INVS: variants seen among roughly 807,000 people sequenced by gnomAD.
INVS encodes inversin.
In INVS, 86 loss-of-function variants were observed where a neutral mutation model predicts 108.8. That is an observed-to-expected ratio of 0.79 (90% CI 0.66 to 0.95). The LOEUF is 0.95. Among genes scored for constraint, INVS ranks in the 40% least tolerant of loss-of-function variants. INVS has a pLI of 0.00. For synonymous variants in INVS, 455 were observed against 473.5 expected, an observed-to-expected ratio of 0.96 and a Z score of 0.51; for missense variants, 1,169 against 1,297.4, an observed-to-expected ratio of 0.90 and a Z score of 1.52.
At chr9:100,262,783 C>T (rs556758206) in intron 10 of INVS, among the ~76,000 whole-genome samples, 1 of 152,108 alleles carries the variant, frequency 6.6e-6, no homozygotes, top group East Asian at 1.9e-4. Flanking sequence ...TCTCACTCTG[C>T]CACCCAGGCT....
chr9:100,153,127 C>T (rs949870376), intron 3 of INVS, among the ~76,000 whole-genome samples: 1 of 150,986 alleles, frequency 6.6e-6, no homozygotes, highest in Non-Finnish European at 1.5e-5. Flanking sequence ...AGAAGGTTTG[C>T]AGTGAAGAAT....
intron 10 of INVS, among the ~76,000 whole-genome samples, chr9:100,255,609 A>T (rs554941919): frequency 5.3e-5 from 8 of 152,136 alleles, no homozygotes; most frequent in Non-Finnish European, 1.0e-4. Context: ...GTTTATTGAG[A>T]GTTTTTAGCA....
chr9:100,154,331 A>ATTTTTTTTTTTTTTTTTTTTTTTT lies in INVS; in HGVS notation c.273+27787_273+27810dup, dbSNP rs780090630. On this transcript the variant is annotated intron_variant, in intron 3 of 16. Coordinates refer to ENST00000262457, the MANE Select transcript of INVS (RefSeq NM_014425.5). Reference sequence around the variant, plus strand: ...AGGTGTGTGCCACCACAACCGACTAATTTTTTTTTTTTTTTTTTTTTTTTT... The same window carrying ATTTTTTTTTTTTTTTTTTTTTTTT: ...AGGTGTGTGCCACCACAACCGACTAATTTTTTTTTTTTTTTTTTTTTTTTTTTTTTTTTTTTTTTTTTTTTTTTT... Among the ~76,000 whole-genome samples the ATTTTTTTTTTTTTTTTTTTTTTTT allele has an allele frequency of 5.8e-4, 40 of 68,568 alleles. 7 individuals carry two copies. The highest frequency in any genetic ancestry group is 1.7e-3 in the African/African-American group (22 of 12,990). 45.0% of individuals were successfully genotyped at this position (68,568 alleles called of 152,430 possible).
At chr9:100,104,447 G>C (rs1827105456) in intron 1 of INVS, 51 bp from the exon 2 acceptor site, 1 of 966,054 alleles carries the variant, frequency 1.0e-6, no homozygotes, top group African/African-American at 1.6e-5. Flanking sequence ...TGATGAGACA[G>C]GTTTCAGAAA....
chr9:100,240,159 G>T lies in INVS; in HGVS notation c.715G>T (p.Val239Phe), dbSNP rs764664177. Reference sequence around the variant, plus strand: ...TGATGGGAATGTGACCGTGGTTGATGTCTTGACCTCATATGAAAGCTGCAA... The same window carrying T: ...TGATGGGAATGTGACCGTGGTTGATTTCTTGACCTCATATGAAAGCTGCAA... ...VADGNVTVVD[V>F]LTSYESCNIT... is the part of the protein sequence containing the mutation. Residue 239 changes from valine to phenylalanine, a missense_variant, in exon 6 of 17, where the codon GTC (valine) becomes TTC (phenylalanine). Physicochemically the swap from Val to Phe is conservative, Grantham distance 50 (BLOSUM62 -1). Around this residue, in one of 3 missense-constraint regions of INVS, gnomAD observed 365 missense variants for 397.5 expected, o/e 0.92. Coordinates refer to ENST00000262457, the MANE Select transcript of INVS (RefSeq NM_014425.5). 1.2e-6 allele frequency: 2 copies of T among 1,614,046 alleles called. No individual in the cohort carries two copies. Among genetic ancestry groups the T allele is most frequent in the Non-Finnish European group, 1.7e-6 (2 of 1,179,934 alleles).
intron 3 of INVS, among the ~76,000 whole-genome samples, chr9:100,154,511 AG>A (rs1828910738): frequency 6.6e-6 from 1 of 151,852 alleles, no homozygotes; most frequent in Non-Finnish European, 1.5e-5. Context: ...CTACATAAAA[AG>A]AGTATATTCA....
chr9:100,165,841 T>C (rs918279006), intron 3 of INVS, among the ~76,000 whole-genome samples: 1 of 152,182 alleles, frequency 6.6e-6, no homozygotes, highest in African/African-American at 2.4e-5. Context: ...CATTTCTATA[T>C]TTTTTGTTTT....
At chr9:100,176,038 G>T in intron 3 of INVS, 2 of 522,228 alleles carry the variant, frequency 3.8e-6, no homozygotes, top group Non-Finnish European at 3.7e-6. Context: ...CCAAGAACAT[G>T]CAGCCTGAAG....
intron 3 of INVS, among the ~76,000 whole-genome samples, chr9:100,195,093 T>A (rs1014643374): frequency 6.6e-5 from 10 of 152,178 alleles, no homozygotes; most frequent in Non-Finnish European, 1.5e-4. Flanking sequence ...ACAGATAAAG[T>A]CAAATATTGT....
At chr9:100,285,898 A>AAG (rs1833425717) in intron 13 of INVS, among the ~76,000 whole-genome samples, 1 of 152,214 alleles carries the variant, frequency 6.6e-6, no homozygotes, top group Non-Finnish European at 1.5e-5. Context: ...TACTCTTATA[A>AAG]GTTAGAGAAC....
intron 10 of INVS, among the ~76,000 whole-genome samples, chr9:100,258,472 AAGG>A (rs2118595030): frequency 6.6e-6 from 1 of 152,248 alleles, no homozygotes; most frequent in East Asian, 1.9e-4. Flanking sequence ...TGTTCCTTTG[AAGG>A]AGAAGAGGCA....
rs12004800 is a variant in INVS, at chr9:100,108,999, A to G, written c.106+4372A>G. Among the ~76,000 whole-genome samples the G allele has an allele frequency of 2.2e-3, 337 of 152,352 alleles. 2 individuals carry two copies. Among genetic ancestry groups the G allele is most frequent in the African/African-American group, 7.7e-3 (321 of 41,580 alleles). Reference sequence around the variant, plus strand: ...ATACATAGTAAAATCTGAATATGCTATGGTTCTCATTTATAGATATTTAGC... The same window carrying G: ...ATACATAGTAAAATCTGAATATGCTGTGGTTCTCATTTATAGATATTTAGC... On this transcript the variant is annotated intron_variant, in intron 2 of 16. Coordinates refer to ENST00000262457, the MANE Select transcript of INVS (RefSeq NM_014425.5).
At chr9:100,300,082 T>C (rs1026099093) in intron 16 of INVS, among the ~76,000 whole-genome samples, 3 of 152,228 alleles carry the variant, frequency 2.0e-5, no homozygotes, top group African/African-American at 7.2e-5. Context: ...TTTCTGACTG[T>C]GGCATCCTAT....
intron 3 of INVS, among the ~76,000 whole-genome samples, chr9:100,159,999 T>C (rs1829117664): frequency 2.0e-5 from 3 of 152,194 alleles, no homozygotes; most frequent in African/African-American, 7.2e-5. Context: ...CTAACCAGGG[T>C]AGCCTCTGGA....
chr9:100,172,192 T>A (rs533666693), intron 3 of INVS, among the ~76,000 whole-genome samples: 1 of 152,264 alleles, frequency 6.6e-6, no homozygotes, highest in Admixed American at 6.5e-5. Flanking sequence ...AAGAATAACA[T>A]TGGACCCTTA....
chr9:100,272,905 A>C lies in INVS; in HGVS notation c.1613A>C (p.Glu538Ala). ...TATGCTTTGCTTGGTGAGCGCCATG[A>C]AGTGATCCAGTTCATGTTGGAGCAC... is the stretch of plus-strand genomic sequence containing the variant. Reference protein sequence around the residue: ...LDYALLGERHEVIQFMLEHGA... With the variant: ...LDYALLGERHAVIQFMLEHGA... The change falls in exon 12 of 17, where the codon GAA (glutamate) becomes GCA (alanine). Residue 538 changes from glutamate (E) to alanine (A), a missense_variant. Physicochemically the swap from Glu to Ala is moderately radical, Grantham distance 107. Coordinates refer to ENST00000262457, the MANE Select transcript of INVS (RefSeq NM_014425.5). 1 of 1,614,150 alleles carries C rather than the reference A, an allele frequency of 6.2e-7. No individual in the cohort carries two copies. The highest frequency in any genetic ancestry group is 1.1e-5 in the South Asian group (1 of 91,076).
In INVS at chr9:100,284,497, G is replaced by A; in HGVS notation, c.1962G>A (p.Glu654=). 6.2e-7 allele frequency: 1 copy of A among 1,614,136 alleles called. No homozygotes were observed. Among genetic ancestry groups the A allele is most frequent in the Non-Finnish European group, 8.5e-7 (1 of 1,179,996 alleles). ...CTGGCAACGTGGCCCAAGGCCCTGAGCCAAGAGACAGCAGAGGATCTCCAG... is the reference window on the plus strand; with the variant it reads ...CTGGCAACGTGGCCCAAGGCCCTGAACCAAGAGACAGCAGAGGATCTCCAG... The part of the protein sequence containing the change: ...PPAGNVAQGP[E]PRDSRGSPGG... Residue 654 remains glutamate (E), a synonymous_variant, in exon 13 of 17, where the codon GAG becomes GAA. Coordinates refer to ENST00000262457, the MANE Select transcript of INVS (RefSeq NM_014425.5).
At chr9:100,229,848 A>T in intron 5 of INVS, 21 bp downstream of exon 5, 1 of 1,612,934 alleles carries the variant, frequency 6.2e-7, no homozygotes. Flanking sequence ...TGGTACTGCT[A>T]GACCTGAATG....
chr9:100,157,258 C>CTTTTTTTCTT (rs1829020061), intron 3 of INVS, among the ~76,000 whole-genome samples: 3 of 121,074 alleles, frequency 2.5e-5, no homozygotes, highest in African/African-American at 1.3e-4. Context: ...GTAAAAATTT[C>CTTTTTTTCTT]TTTTTTTTCT....
Sources: allele counts gnomAD v4.1 joint callset (sites outside exome capture counted in the v4.1 genomes callset), GRCh38; gene constraint gnomAD v4.1.1; regional missense constraint gnomAD v4.1.1; transcripts MANE v1.5; gene names NCBI Gene and HGNC (gene_info 2026-07-23, HGNC 2026-07-21).